LGR5: variants seen among roughly 807,000 people sequenced by gnomAD.
LGR5 encodes leucine-rich repeat-containing G protein-coupled receptor 5.
LGR5 carries 54 observed loss-of-function variants against 76.7 expected under a neutral mutation model. The observed-to-expected ratio is 0.70, with a 90% CI of 0.57 to 0.88. The LOEUF (loss-of-function observed/expected upper bound fraction) is 0.88. Among genes scored for constraint, LGR5 ranks in the 40% least tolerant of loss-of-function variants. The pLI, the probability that LGR5 is intolerant of heterozygous loss-of-function variation, is 0.00. For synonymous variants in LGR5, 406 were observed against 421.9 expected, an observed-to-expected ratio of 0.96 and a Z score of 0.46; for missense variants, 1,078 against 1,073.3, an observed-to-expected ratio of 1.00 and a Z score of -0.06.
chr12:71,540,381 A>G (rs1876815109), intron 4 of LGR5, among the ~76,000 whole-genome samples: 1 of 152,246 alleles, frequency 6.6e-6, no homozygotes, highest in Non-Finnish European at 1.5e-5. Context: ...AGAAAATGAA[A>G]GAAGAATTAA....
chr12:71,546,455 C>T (rs568294482), intron 4 of LGR5, among the ~76,000 whole-genome samples: 2 of 152,134 alleles, frequency 1.3e-5, no homozygotes, highest in South Asian at 4.1e-4. Context: ...TACTGGGTGA[C>T]ATTCATCTCT....
Position 71,463,071 on chromosome 12 carries a change from A to T in LGR5, c.212+22779A>T, listed in dbSNP as rs1471098113. On this transcript the variant is annotated intron_variant, in intron 1 of 17. Transcript: ENST00000266674. ...AAATTTAGTATTATGGTTTTAGCAC[A>T]TTTAGTCACTTTACAATAGATAAAG... Among the ~76,000 whole-genome samples, 3 of 152,212 alleles carry T rather than the reference A, an allele frequency of 2.0e-5. No homozygotes were observed. In the South Asian group the frequency reaches 6.2e-4, roughly 31 times the overall value.
chr12:71,579,067 G>A, intron 15 of LGR5, 138 bp downstream of exon 15: 2 of 709,634 alleles, frequency 2.8e-6, no homozygotes, highest in Non-Finnish European at 4.3e-6. Flanking sequence ...CCTAACCCTG[G>A]AGCATTGTTA....
At chr12:71,508,259 G>A (rs923911274) in intron 2 of LGR5, among the ~76,000 whole-genome samples, 1 of 151,730 alleles carries the variant, frequency 6.6e-6, no homozygotes, top group African/African-American at 2.4e-5. Context: ...TATTAATAAA[G>A]CCACATTATC....
intron 12 of LGR5, 148 bp from the exon 13 acceptor site, chr12:71,572,702 T>C (rs1878667365): frequency 2.2e-5 from 13 of 599,536 alleles, no homozygotes; most frequent in Non-Finnish European, 3.5e-5. Flanking sequence ...TGTTCTTTTT[T>C]AAACAAACAA....
chr12:71,463,070 C>A (rs1447133764), intron 1 of LGR5, among the ~76,000 whole-genome samples: 6 of 152,144 alleles, frequency 3.9e-5, no homozygotes, highest in Admixed American at 6.5e-5. Context: ...GGTTTTAGCA[C>A]ATTTAGTCAC....
In LGR5 at chr12:71,537,783, T is replaced by TCTGTG. The variant is rs1876675986; in HGVS notation, c.428+2600_428+2604dup. Reference sequence around the variant, plus strand: ...TCATTTTCCAGGCCATACGTTAGCCTCTGTGCTTCCGTATCAATAAAGTAA... The same window carrying TCTGTG: ...TCATTTTCCAGGCCATACGTTAGCCTCTGTGCTGTGCTTCCGTATCAATAAAGTAA... On this transcript the variant is annotated intron_variant, in intron 4 of 17. Coordinates refer to ENST00000266674, the MANE Select transcript of LGR5 (RefSeq NM_003667.4). 3.9e-5 allele frequency among the ~76,000 whole-genome samples: 6 copies of TCTGTG among 152,292 alleles called. No individual in the cohort carries two copies. The South Asian group carries it at 8.3e-4, about 21-fold the overall frequency.
At chr12:71,512,265 C>T (rs11830264) in intron 2 of LGR5, among the ~76,000 whole-genome samples, 7,128 of 152,272 alleles carry the variant, frequency 0.047, 219 homozygotes, top group Middle Eastern at 0.12. Context: ...GCTGGGATTA[C>T]GTGAGTGAGC....
chr12:71,460,883 G>A (rs912746503), intron 1 of LGR5, among the ~76,000 whole-genome samples: 1 of 152,102 alleles, frequency 6.6e-6, no homozygotes, highest in South Asian at 2.1e-4. Flanking sequence ...TGCAAAATAA[G>A]TGAATGAATG....
Position 71,584,851 on chromosome 12 carries a change from A to G in LGR5, c.*117A>G. On this transcript the variant is annotated 3_prime_UTR_variant, in exon 18 of 18. Coordinates refer to ENST00000266674, the MANE Select transcript of LGR5 (RefSeq NM_003667.4). ...GTGAAACTCGGTTTAAAAACCAAAA[A>G]AGAATCTCTCAGTTAGTAAGAAAAG... The G allele has an allele frequency of 1.9e-6, 2 of 1,057,038 alleles. No individual in the cohort carries two copies. 65.5% of individuals were successfully genotyped at this position (1,057,038 alleles called of 1,614,324 possible). A position where few individuals can be genotyped will look rare whatever the true frequency, so the allele number is the denominator to read the frequency against.
chr12:71,528,398 G>T (rs1227959041), intron 3 of LGR5, among the ~76,000 whole-genome samples: 1 of 152,074 alleles, frequency 6.6e-6, no homozygotes, highest in Non-Finnish European at 1.5e-5. Context: ...GGAGGTTGGG[G>T]CTACAGTGAG....
chr12:71,476,565 C>T (rs564430704), intron 1 of LGR5, among the ~76,000 whole-genome samples: 25 of 152,274 alleles, frequency 1.6e-4, no homozygotes, highest in African/African-American at 5.1e-4. Flanking sequence ...AGATATAAAA[C>T]GCCAAAGTTA....
intron 4 of LGR5, 56 bp from the exon 5 acceptor site, chr12:71,553,017 T>G: frequency 1.3e-6 from 2 of 1,540,136 alleles, no homozygotes; most frequent in Non-Finnish European, 1.8e-6. Flanking sequence ...CCTGCAAAGT[T>G]GACCTTCTGC....
At chr12:71,508,031 C>T (rs978720365) in intron 2 of LGR5, among the ~76,000 whole-genome samples, 3 of 142,614 alleles carry the variant, frequency 2.1e-5, no homozygotes, top group East Asian at 2.0e-4. Context: ...CCATCCTGGC[C>T]AACATGGTGA....
chr12:71,478,189 T>G (rs1873424973), intron 1 of LGR5, among the ~76,000 whole-genome samples: 1 of 152,218 alleles, frequency 6.6e-6, no homozygotes, highest in Non-Finnish European at 1.5e-5. Flanking sequence ...TTCTTACACT[T>G]TGTAACTTAT....
In LGR5 at chr12:71,514,824, C is replaced by T. The variant is rs145103141; in HGVS notation, c.285-9582C>T. ...AAATTGGATATGCTTAACACAATGA[C>T]GGCATCACTTGAGGCATTGGCTAGA... On this transcript the variant is annotated intron_variant, in intron 2 of 17. Coordinates refer to ENST00000266674, the MANE Select transcript of LGR5 (RefSeq NM_003667.4). Among the ~76,000 whole-genome samples, 14 of 152,220 alleles carry T rather than the reference C, an allele frequency of 9.2e-5. No individual in the cohort carries two copies. In the East Asian group the frequency reaches 2.7e-3, roughly 29 times the overall value.
chr12:71,561,876 G>A (rs967832060), intron 8 of LGR5, 24 bp downstream of exon 8: 1 of 1,398,878 alleles, frequency 7.1e-7, no homozygotes, highest in South Asian at 1.2e-5. Context: ...ATGCTTTTCG[G>A]TTTCTCCATC....
chr12:71,461,512 T>C (rs1481077032), intron 1 of LGR5, among the ~76,000 whole-genome samples: 2 of 152,150 alleles, frequency 1.3e-5, no homozygotes, highest in Non-Finnish European at 2.9e-5. Context: ...TGCTCCCCAC[T>C]AGCATAGCAC....
intron 1 of LGR5, among the ~76,000 whole-genome samples, chr12:71,475,586 G>A (rs930570004): frequency 2.0e-5 from 3 of 152,004 alleles, no homozygotes; most frequent in African/African-American, 7.2e-5. Flanking sequence ...GCTCTCTTAT[G>A]CTGCGACGCT....
Sources: allele counts gnomAD v4.1 joint callset (sites outside exome capture counted in the v4.1 genomes callset), GRCh38; gene constraint gnomAD v4.1.1; transcripts MANE v1.5; gene names NCBI Gene and HGNC (gene_info 2026-07-23, HGNC 2026-07-21).